LRRC28: variants seen among roughly 807,000 people sequenced by gnomAD.
LRRC28 encodes the protein leucine-rich repeat-containing protein 28.
LRRC28 carries 39 observed loss-of-function variants against 45.7 expected under a neutral mutation model. That is an observed-to-expected ratio of 0.85 (90% CI 0.66 to 1.12). The LOEUF is 1.12. Ranked by LOEUF, LRRC28 falls within the 50% of genes most tolerant of loss-of-function variation. The pLI is 0.00. For missense variants in LRRC28, 435 were observed against 438.5 expected (o/e 0.99, Z 0.07); for synonymous variants, 206 against 178.8 (o/e 1.15, Z -1.22).
At chr15:99,322,954 T>G (rs757244522) in intron 5 of LRRC28, among the ~76,000 whole-genome samples, 3 of 152,222 alleles carry the variant, frequency 2.0e-5, no homozygotes, top group Non-Finnish European at 4.4e-5. Flanking sequence ...ACCACTTTGT[T>G]GATGCTGCTG....
chr15:99,309,181 C>T (rs1955304103), intron 5 of LRRC28, among the ~76,000 whole-genome samples: 2 of 152,198 alleles, frequency 1.3e-5, no homozygotes, highest in South Asian at 4.2e-4. Flanking sequence ...CATTTAGTTT[C>T]CTAATTCTGC....
rs1314639122 is a variant in LRRC28, at chr15:99,363,278, A to T, written c.1031+13A>T. ...GGCTGCACCAGTGGTAATCATGCCT[A>T]AGTGGGCACCAGGGTTTACACCCAG... On this transcript the variant is annotated intron_variant, in intron 9 of 9. Transcript: ENST00000301981. 6.2e-7 allele frequency: 1 copy of T among 1,613,346 alleles called. No homozygotes were observed. The highest frequency in any genetic ancestry group is 1.7e-5 in the Admixed American group (1 of 59,944).
Position 99,287,924 on chromosome 15 carries a change from A to C in LRRC28, c.358A>C (p.Asn120His). ...AGCTTTACGTCATCTTCGATTAGCT[A>C]ATAACCAACTGCAATTCCTACCTCC... The part of the protein sequence containing the change: ...LRALRHLRLA[N>H]NQLQFLPPEV... The change falls in exon 5 of 10, where the codon AAT becomes CAT. Residue 120 changes from asparagine (N) to histidine (H), a missense_variant. Asn to His is a moderately conservative substitution (Grantham distance 68). Coordinates refer to ENST00000301981, the MANE Select transcript of LRRC28 (RefSeq NM_144598.5). 6.2e-7 allele frequency: 1 copy of C among 1,613,700 alleles called. No individual in the cohort carries two copies. Among genetic ancestry groups the C allele is most frequent in the Non-Finnish European group, 8.5e-7 (1 of 1,179,784 alleles).
Position 99,387,127 on chromosome 15 carries a change from C to A in LRRC28, c.*1025C>A, listed in dbSNP as rs900996464. 6.6e-6 allele frequency: 1 copy of A among 150,538 alleles called. No individual in the cohort carries two copies. The highest frequency in any genetic ancestry group is 2.5e-5 in the African/African-American group (1 of 40,734). The allele number at this position is 150,538 out of a possible 1,614,324, so 9.3% of individuals were successfully genotyped here. A position where few individuals can be genotyped will look rare whatever the true frequency, so the allele number is the denominator to read the frequency against. On this transcript the variant is annotated 3_prime_UTR_variant, in exon 10 of 10. Transcript: ENST00000301981. Reference sequence around the variant, plus strand: ...CCAGGCTGGAGTGCAGTGGCGGGATCTCGGCTCACTGCAAGCTCCGCCTCC... The same window carrying A: ...CCAGGCTGGAGTGCAGTGGCGGGATATCGGCTCACTGCAAGCTCCGCCTCC...
intron 2 of LRRC28, among the ~76,000 whole-genome samples, chr15:99,272,982 T>C (rs1437857397): frequency 6.6e-6 from 1 of 152,188 alleles, no homozygotes; most frequent in Non-Finnish European, 1.5e-5. Context: ...CATTAGAGCT[T>C]AGTTACCCAC....
intron 2 of LRRC28, 94 bp from the exon 3 acceptor site, chr15:99,276,482 C>T: frequency 1.1e-6 from 1 of 899,138 alleles, no homozygotes; most frequent in Non-Finnish European, 1.7e-6. Flanking sequence ...AAAATTTACA[C>T]CCCTCAAAAA....
intron 9 of LRRC28, among the ~76,000 whole-genome samples, chr15:99,374,535 G>C (rs1957570488): frequency 6.6e-6 from 1 of 152,148 alleles, no homozygotes; most frequent in Admixed American, 6.5e-5. Context: ...ATCATGTCAT[G>C]CTGTCTGCTA....
In LRRC28 at chr15:99,287,839, A is replaced by T. The variant is rs777683476; in HGVS notation, c.273A>T (p.Gln91His). 2 of 1,612,938 alleles carry T rather than the reference A, an allele frequency of 1.2e-6. No homozygotes were observed. Among genetic ancestry groups the T allele is most frequent in the African/African-American group, 2.7e-5 (2 of 75,006 alleles). ...PEAIGSLVKL[Q>H]CLDLSDNALE... ...CCATTGGGTCTCTTGTAAAACTCCA[A>T]TGTCTGGATCTTAGTGACAATGCCT... is the stretch of plus-strand genomic sequence containing the variant. The change falls in exon 5 of 10, where the codon CAA (glutamine) becomes CAT (histidine). Residue 91 changes from glutamine (Q) to histidine (H), a missense_variant. Gln to His is a conservative substitution (Grantham distance 24). Coordinates refer to ENST00000301981, the MANE Select transcript of LRRC28 (RefSeq NM_144598.5).
chr15:99,301,199 TC>T (rs893372014), intron 5 of LRRC28, among the ~76,000 whole-genome samples: 6 of 152,164 alleles, frequency 3.9e-5, no homozygotes, highest in Non-Finnish European at 5.9e-5. Context: ...AATCTAAGAG[TC>T]AAATATTTGT....
intron 7 of LRRC28, among the ~76,000 whole-genome samples, chr15:99,357,365 C>T (rs1957075557): frequency 6.6e-6 from 1 of 152,152 alleles, no homozygotes. Flanking sequence ...AGTAGCTCCA[C>T]ACTACAAACA....
At chr15:99,307,918 A>G (rs184185827) in intron 5 of LRRC28, among the ~76,000 whole-genome samples, 24 of 152,226 alleles carry the variant, frequency 1.6e-4, no homozygotes, top group South Asian at 4.1e-4. Flanking sequence ...GACGAGTCCT[A>G]TGATCTCATT....
intron 5 of LRRC28, among the ~76,000 whole-genome samples, chr15:99,300,616 C>T (rs1372390369): frequency 3.9e-5 from 6 of 152,112 alleles, no homozygotes; most frequent in Admixed American, 2.6e-4. Flanking sequence ...CACTTGAGGT[C>T]AGGAGTTTGA....
intron 6 of LRRC28, among the ~76,000 whole-genome samples, chr15:99,347,950 AT>A (rs1332621316): frequency 1.3e-5 from 2 of 152,102 alleles, no homozygotes; most frequent in African/African-American, 4.8e-5. Context: ...GTTATCTCTT[AT>A]CTTTTTTATA....
intron 9 of LRRC28, among the ~76,000 whole-genome samples, chr15:99,379,342 T>G (rs183621016): frequency 1.4e-3 from 207 of 152,344 alleles, no homozygotes; most frequent in African/African-American, 4.1e-3. Context: ...TTAATTATAG[T>G]ATTCTCTGAT....
intron 6 of LRRC28, 91 bp from the exon 7 acceptor site, chr15:99,352,278 G>T: frequency 3.5e-6 from 3 of 856,836 alleles, no homozygotes; most frequent in African/African-American, 1.7e-5. Context: ...AGAAATCTTC[G>T]AATATTTCTA....
intron 5 of LRRC28, among the ~76,000 whole-genome samples, chr15:99,311,833 AG>A (rs1462340747): frequency 6.6e-6 from 1 of 152,232 alleles, no homozygotes; most frequent in Non-Finnish European, 1.5e-5. Context: ...TGAAATATAA[AG>A]GGCTGAATAT....
At chr15:99,301,889 G>A (rs1169001775) in intron 5 of LRRC28, among the ~76,000 whole-genome samples, 2 of 151,550 alleles carry the variant, frequency 1.3e-5, no homozygotes, top group Non-Finnish European at 2.9e-5. Context: ...TATCCCCAGG[G>A]CATTATCTAT....
At chr15:99,314,796 ATT>A (rs1955538195) in intron 5 of LRRC28, among the ~76,000 whole-genome samples, 1 of 152,176 alleles carries the variant, frequency 6.6e-6, no homozygotes, top group Admixed American at 6.5e-5. Context: ...TTAACTTGTC[ATT>A]TTAGCGAATT....
chr15:99,381,549 A>G (rs771021020), intron 9 of LRRC28, among the ~76,000 whole-genome samples: 9 of 152,318 alleles, frequency 5.9e-5, no homozygotes, highest in Non-Finnish European at 1.2e-4. Flanking sequence ...GTCATTCTCC[A>G]TCCAGCTTTG....
Sources: allele counts gnomAD v4.1 joint callset (sites outside exome capture counted in the v4.1 genomes callset), GRCh38; gene constraint gnomAD v4.1.1; transcripts MANE v1.5; gene names NCBI Gene and HGNC (gene_info 2026-07-23, HGNC 2026-07-21).